CDH8: variants seen among roughly 807,000 people sequenced by gnomAD.
CDH8 encodes the protein cadherin 8, also known as cadherin-8.
A neutral mutation model predicts 68.1 loss-of-function variants in CDH8; 17 were observed. The ratio of observed to expected loss-of-function variants is 0.25; its 90% confidence interval spans 0.17 to 0.37. The LOEUF is 0.37. Among genes scored for constraint, CDH8 ranks in the 10% least tolerant of loss-of-function variants. The pLI, the probability that CDH8 is intolerant of heterozygous loss-of-function variation, is 1.00. For missense variants in CDH8, 763 were observed against 999.3 expected (o/e 0.76, Z 3.19); for synonymous variants, 372 against 365.1 (o/e 1.02, Z -0.21).
intron 7 of CDH8, among the ~76,000 whole-genome samples, chr16:61,795,398 A>G (rs1479076182): frequency 3.3e-5 from 5 of 152,082 alleles, no homozygotes; most frequent in Non-Finnish European, 7.4e-5. Context: ...GAGAGTCTTC[A>G]GTGGAATCTC....
chr16:61,855,967 A>G (rs968771240), intron 4 of CDH8, among the ~76,000 whole-genome samples: 2 of 152,162 alleles, frequency 1.3e-5, no homozygotes, highest in African/African-American at 4.8e-5. Context: ...GTGTTTTACA[A>G]GAGTTCTTTC....
intron 7 of CDH8, among the ~76,000 whole-genome samples, chr16:61,816,443 C>G (rs984564060): frequency 5.9e-5 from 9 of 152,274 alleles, no homozygotes; most frequent in African/African-American, 2.2e-4. Context: ...GGAAGCAGGT[C>G]TGCCCTAGTT....
chr16:61,664,884 AT>A (rs1438174916), intron 10 of CDH8, among the ~76,000 whole-genome samples: 3 of 152,052 alleles, frequency 2.0e-5, no homozygotes, highest in Non-Finnish European at 4.4e-5. Context: ...TTCTTCTTTG[AT>A]TATTGATATT....
intron 3 of CDH8, among the ~76,000 whole-genome samples, chr16:61,863,573 A>C (rs2143019341): frequency 6.6e-6 from 1 of 152,306 alleles, no homozygotes; most frequent in East Asian, 1.9e-4. Flanking sequence ...GGAAAACGAC[A>C]GTTTGGTGCA....
chr16:61,697,338 T>C (rs796683499), intron 10 of CDH8, among the ~76,000 whole-genome samples: 2 of 152,142 alleles, frequency 1.3e-5, no homozygotes, highest in African/African-American at 4.8e-5. Flanking sequence ...ATGTCACCCT[T>C]ATGCAGACAG....
chr16:61,728,772 G>C (rs1959450631), intron 8 of CDH8, among the ~76,000 whole-genome samples: 1 of 151,146 alleles, frequency 6.6e-6, no homozygotes, highest in Admixed American at 6.6e-5. Flanking sequence ...AAGTAAAAAG[G>C]AGCATAGCAT....
At chr16:62,010,007 G>T (rs964567441) in intron 2 of CDH8, among the ~76,000 whole-genome samples, 3 of 152,064 alleles carry the variant, frequency 2.0e-5, no homozygotes, top group African/African-American at 7.2e-5. Flanking sequence ...CCCAAATTGT[G>T]GTGTACTTGG....
In CDH8 at chr16:61,650,637, C is replaced by T. The variant is rs1226800103; in HGVS notation, c.*2971G>A. 1 of 149,744 alleles carries T rather than the reference C, an allele frequency of 6.7e-6. No individual in the cohort carries two copies. Among genetic ancestry groups the T allele is most frequent in the African/African-American group, 2.5e-5 (1 of 40,516 alleles). The allele number at this position is 149,744 out of a possible 1,614,324, so 9.3% of individuals were successfully genotyped here. ...TGGCAAGTCTATTGCTAAAGTAAAA[C>T]TTCAAGTCAAAATGTGTGTTTTTTA... is the stretch of plus-strand genomic sequence containing the variant. On this transcript the variant is annotated 3_prime_UTR_variant, in exon 12 of 12. Transcript: ENST00000577390.
chr16:61,768,343 T>TCTCTCTCTCTCTCC (rs1960659166), intron 8 of CDH8, among the ~76,000 whole-genome samples: 2 of 107,008 alleles, frequency 1.9e-5, no homozygotes, highest in Non-Finnish European at 3.8e-5. Flanking sequence ...TCTCTCTCTC[T>TCTCTCTCTCTCTCC]CTCTCTCTCT....
chr16:62,035,202 A>T (rs1174757073), intron 1 of CDH8: 2 of 152,242 alleles, frequency 1.3e-5, no homozygotes, highest in African/African-American at 2.4e-5. Flanking sequence ...AACCTAGGCA[A>T]GAGCCTTTTT....
intron 10 of CDH8, among the ~76,000 whole-genome samples, chr16:61,668,668 G>GGA (rs1555501176): frequency 1.4e-5 from 2 of 139,682 alleles, no homozygotes; most frequent in African/African-American, 5.2e-5. Context: ...AACCACTTAG[G>GGA]AAAAAAAAAA....
rs1404525258 is a variant in CDH8, at chr16:61,653,036, G to A, written c.*572C>T. On this transcript the variant is annotated 3_prime_UTR_variant, in exon 12 of 12. Coordinates refer to ENST00000577390, the MANE Select transcript of CDH8 (RefSeq NM_001796.5). Reference sequence around the variant, plus strand: ...TTAAAGATGCTATTCAGTCTCTAGTGAGTGGGGCCAACAATTATGTACAAT... The same window carrying A: ...TTAAAGATGCTATTCAGTCTCTAGTAAGTGGGGCCAACAATTATGTACAAT... The A allele has an allele frequency of 1.4e-6, 2 of 1,398,718 alleles. No individual in the cohort carries two copies. The highest frequency in any genetic ancestry group is 5.3e-5 in the East Asian group (2 of 38,014). The allele number at this position is 1,398,718 out of a possible 1,614,324, so 86.6% of individuals were successfully genotyped here. A position where few individuals can be genotyped will look rare whatever the true frequency, so the allele number is the denominator to read the frequency against.
intron 10 of CDH8, among the ~76,000 whole-genome samples, chr16:61,706,336 G>A (rs894280617): frequency 6.6e-6 from 1 of 152,038 alleles, no homozygotes; most frequent in Non-Finnish European, 1.5e-5. Flanking sequence ...TGTAACTGGC[G>A]GCCGGACGCG....
At chr16:61,942,293 T>G (rs6498813) in intron 2 of CDH8, among the ~76,000 whole-genome samples, 74,801 of 151,920 alleles carry the variant, frequency 0.49, 20,452 homozygotes, top group African/African-American at 0.74. Context: ...AGGAGTTTGA[T>G]ACCAGCCTGG....
intron 3 of CDH8, among the ~76,000 whole-genome samples, chr16:61,876,871 A>G (rs1394897383): frequency 1.3e-5 from 2 of 152,158 alleles, no homozygotes; most frequent in Non-Finnish European, 2.9e-5. Flanking sequence ...TGTGGGTCTT[A>G]TAGTCAATAA....
intron 7 of CDH8, among the ~76,000 whole-genome samples, chr16:61,816,966 A>T (rs1399715646): frequency 1.3e-5 from 2 of 152,096 alleles, no homozygotes; most frequent in Admixed American, 6.6e-5. Context: ...AAGTAATAAA[A>T]AGATCATTTC....
At chr16:61,815,009 T>A (rs1036945542) in intron 7 of CDH8, among the ~76,000 whole-genome samples, 2 of 152,264 alleles carry the variant, frequency 1.3e-5, no homozygotes, top group Admixed American at 6.5e-5. Flanking sequence ...CCCTTCTGAA[T>A]GACATGCCAA....
chr16:61,670,657 C>T (rs1001500254), intron 10 of CDH8, among the ~76,000 whole-genome samples: 6 of 152,146 alleles, frequency 3.9e-5, no homozygotes, highest in African/African-American at 1.2e-4. Flanking sequence ...AATACCTATA[C>T]ATACTAAGCT....
At chr16:61,799,110 C>T (rs1056632716) in intron 7 of CDH8, among the ~76,000 whole-genome samples, 3 of 152,080 alleles carry the variant, frequency 2.0e-5, no homozygotes, top group Non-Finnish European at 4.4e-5. Context: ...GAAGCCCAAT[C>T]GATTTCTATG....
Sources: allele counts gnomAD v4.1 joint callset (sites outside exome capture counted in the v4.1 genomes callset), GRCh38; gene constraint gnomAD v4.1.1; transcripts MANE v1.5; gene names NCBI Gene and HGNC (gene_info 2026-07-23, HGNC 2026-07-21).